The following GLIS3 variants were observed in gnomAD, a reference collection of about 807,000 sequenced individuals.
The protein encoded by GLIS3 is zinc finger protein GLIS3.
GLIS3 carries 53 observed loss-of-function variants against 78.6 expected under a neutral mutation model. The observed-to-expected ratio is 0.67, with a 90% CI of 0.54 to 0.85. The LOEUF is 0.85. GLIS3 is among the 40% of genes least tolerant of loss of function. The pLI, the probability that GLIS3 is intolerant of heterozygous loss-of-function variation, is 0.00. For missense variants in GLIS3, 1,703 were observed against 1,231.1 expected (o/e 1.38, Z -5.74); for synonymous variants, 684 against 509.9 (o/e 1.34, Z -4.60).
At chr9:4,325,159 C>T (rs576598418) in intron 2 of GLIS3, among the ~76,000 whole-genome samples, 1 of 152,174 alleles carries the variant, frequency 6.6e-6, no homozygotes, top group African/African-American at 2.4e-5. Flanking sequence ...CTACACCACC[C>T]TCTCTATACT....
Position 4,053,624 on chromosome 9 carries a change from G to A in GLIS3, c.1710+64144C>T, listed in dbSNP as rs143303442. Reference sequence around the variant, plus strand: ...TCTCTAGTGGATAAATGTCTCAATGGTGCTCAAGGCTAAAAAAAAAAAAAA... The same window carrying A: ...TCTCTAGTGGATAAATGTCTCAATGATGCTCAAGGCTAAAAAAAAAAAAAA... On this transcript the variant is annotated intron_variant, in intron 4 of 10. Transcript: ENST00000381971. Among the ~76,000 whole-genome samples, 412 of 139,696 alleles carry A rather than the reference G, an allele frequency of 2.9e-3. 1 individual carries two copies. Among genetic ancestry groups the A allele is most frequent in the South Asian group, 7.8e-3 (33 of 4,210 alleles). 91.6% of individuals were successfully genotyped at this position (139,696 alleles called of 152,430 possible).
intron 7 of GLIS3, among the ~76,000 whole-genome samples, chr9:3,894,002 A>C (rs1822641563): frequency 6.6e-6 from 1 of 152,204 alleles, no homozygotes; most frequent in Non-Finnish European, 1.5e-5. Context: ...GGACCATCAC[A>C]GATGCAAGAG....
At chr9:4,115,593 G>A (rs1466394403) in intron 4 of GLIS3, among the ~76,000 whole-genome samples, 1 of 152,006 alleles carries the variant, frequency 6.6e-6, no homozygotes, top group Non-Finnish European at 1.5e-5. Flanking sequence ...AACTTTCACA[G>A]CAAAATTAAT....
intron 8 of GLIS3, among the ~76,000 whole-genome samples, chr9:3,862,348 C>A (rs1820265786): frequency 6.6e-6 from 1 of 152,164 alleles, no homozygotes; most frequent in Non-Finnish European, 1.5e-5. Flanking sequence ...TTTAAGAAAT[C>A]TAGCAATGGC....
At chr9:3,882,575 C>T (rs1821805143) in intron 7 of GLIS3, among the ~76,000 whole-genome samples, 1 of 152,130 alleles carries the variant, frequency 6.6e-6, no homozygotes, top group East Asian at 1.9e-4. Flanking sequence ...CTGAGGGCTC[C>T]AGAATATGCC....
At chr9:4,163,127 G>T (rs767345393) in intron 2 of GLIS3, among the ~76,000 whole-genome samples, 33 of 152,182 alleles carry the variant, frequency 2.2e-4, no homozygotes, top group Non-Finnish European at 4.4e-4. Flanking sequence ...AGTTCAAAGA[G>T]ATAAAGCAAT....
chr9:3,866,703 A>G (rs935053230), intron 8 of GLIS3, among the ~76,000 whole-genome samples: 1 of 152,218 alleles, frequency 6.6e-6, no homozygotes, highest in African/African-American at 2.4e-5. Flanking sequence ...GGAATTGACG[A>G]TAGGTGAATT....
the GLIS3 span, among the ~76,000 whole-genome samples, chr9:4,358,396 G>C: frequency 2.0e-5 from 3 of 152,126 alleles, no homozygotes; most frequent in Non-Finnish European, 4.4e-5. Flanking sequence ...AATGTCCCAA[G>C]TACCTTCACA....
intron 8 of GLIS3, among the ~76,000 whole-genome samples, chr9:3,868,413 C>A (rs1171371795): frequency 6.7e-6 from 1 of 149,534 alleles, no homozygotes; most frequent in Non-Finnish European, 1.5e-5. Flanking sequence ...CCTGGTAGTT[C>A]ATGACTACAT....
chr9:4,148,349 G>T (rs1564118434), intron 2 of GLIS3, among the ~76,000 whole-genome samples: 1 of 152,054 alleles, frequency 6.6e-6, no homozygotes, highest in South Asian at 2.1e-4. Context: ...TGAAATCCCT[G>T]GTCACCACAT....
chr9:4,470,534 G>A, the GLIS3 span, among the ~76,000 whole-genome samples: 1 of 152,148 alleles, frequency 6.6e-6, no homozygotes, highest in East Asian at 1.9e-4. Context: ...TGCAGAAAAG[G>A]CCTTTGACAA....
the GLIS3 span, among the ~76,000 whole-genome samples, chr9:4,467,143 A>C: frequency 2.6e-5 from 4 of 152,156 alleles, no homozygotes; most frequent in Admixed American, 2.0e-4. Context: ...GAAGCTCAAA[A>C]TGGGTGGAGC....
chr9:3,839,606 T>C (rs1195357494), intron 9 of GLIS3, among the ~76,000 whole-genome samples: 2 of 150,726 alleles, frequency 1.3e-5, no homozygotes, highest in Admixed American at 1.3e-4. Flanking sequence ...GGGGGAGAAG[T>C]TAAAATAACT....
At chr9:3,941,750 T>A (rs1254762764) in intron 4 of GLIS3, among the ~76,000 whole-genome samples, 1 of 152,094 alleles carries the variant, frequency 6.6e-6, no homozygotes, top group African/African-American at 2.4e-5. Context: ...TGAGAGAGAG[T>A]TCTTTAACTC....
At chr9:3,908,325 G>T (rs1233664695) in intron 6 of GLIS3, among the ~76,000 whole-genome samples, 2 of 152,184 alleles carry the variant, frequency 1.3e-5, no homozygotes, top group Admixed American at 1.3e-4. Context: ...CTAACCCTCA[G>T]AAACTATTAG....
intron 4 of GLIS3, chr9:4,054,236 G>A (rs1256586252): frequency 9.2e-6 from 6 of 652,440 alleles, no homozygotes; most frequent in Middle Eastern, 1.6e-3. Flanking sequence ...CTCTGTGAGG[G>A]CAGAGATCTC....
At chr9:4,019,668 T>C (rs190937486) in intron 4 of GLIS3, among the ~76,000 whole-genome samples, 6 of 151,806 alleles carry the variant, frequency 4.0e-5, no homozygotes, top group Non-Finnish European at 8.8e-5. Flanking sequence ...AAAATTAGAG[T>C]AGGGTAAGGG....
the GLIS3 span, among the ~76,000 whole-genome samples, chr9:4,386,977 A>G: frequency 6.6e-6 from 1 of 152,084 alleles, no homozygotes; most frequent in East Asian, 1.9e-4. Flanking sequence ...TACTCTGTCT[A>G]TTGGTGGCAG....
intron 2 of GLIS3, among the ~76,000 whole-genome samples, chr9:4,209,152 C>G (rs73398492): frequency 1.3e-5 from 2 of 152,238 alleles, no homozygotes; most frequent in East Asian, 3.9e-4. Flanking sequence ...ATGCACCACT[C>G]TGGAGACCCC....
Sources: gnomAD v4.1 joint callset for allele counts (sites outside exome capture counted in the v4.1 genomes callset) on GRCh38, gnomAD v4.1.1 for gene constraint, MANE v1.5 for transcripts, NCBI Gene and HGNC (gene_info 2026-07-23, HGNC 2026-07-21) for gene names.